F5: variants seen among roughly 807,000 people sequenced by gnomAD.
F5 encodes activated protein c cofactor.
In F5, 138 loss-of-function variants were observed where a neutral mutation model predicts 216.4. That is an observed-to-expected ratio of 0.64 (90% CI 0.56 to 0.73). The LOEUF (loss-of-function observed/expected upper bound fraction) is 0.73, where lower values mean the gene tolerates loss of function less well. F5 is among the 30% of genes least tolerant of loss of function. F5 has a pLI of 0.00. For missense variants in F5, 2,403 were observed against 2,674.0 expected, an observed-to-expected ratio of 0.90 and a Z score of 2.24; for synonymous variants, 916 against 930.7, an observed-to-expected ratio of 0.98 and a Z score of 0.29.
At position 169,529,788 on chromosome 1, in the gene F5, G is replaced by T. The variant is rs764200671; in HGVS notation, c.5239C>A (p.Pro1747Thr). The T allele has an allele frequency of 1.9e-6, 3 of 1,613,430 alleles. No individual in the cohort carries two copies. The highest frequency in any genetic ancestry group is 3.3e-5 in the Admixed American group (2 of 59,976). ...ATTCCTTTTTGGCAGATTAGGAGGG[G>T]ACCTATCAAGCCTGAGTGAATATCT... ...EKDIHSGLIG[P>T]LLICQKGILH... is the part of the protein sequence containing the mutation. The change falls in exon 16 of 25, where the codon CCC becomes ACC. Residue 1747 changes from proline (P) to threonine (T), a missense_variant. By Grantham distance (38) the Pro-to-Thr change is conservative (BLOSUM62 -1). Coordinates refer to ENST00000367797, the MANE Select transcript of F5 (RefSeq NM_000130.5).
intron 23 of F5, among the ~76,000 whole-genome samples, chr1:169,515,938 T>C (rs983886723): frequency 6.6e-6 from 1 of 152,160 alleles, no homozygotes; most frequent in Non-Finnish European, 1.5e-5. Flanking sequence ...TCAGTTGGTG[T>C]TCAATAAATA....
intron 23 of F5, among the ~76,000 whole-genome samples, chr1:169,517,708 T>A (rs9332664): frequency 0.016 from 2,504 of 152,218 alleles, 27 homozygotes; most frequent in Non-Finnish European, 0.026. Flanking sequence ...CTGGAAGGTG[T>A]TTGTTTAACT....
intron 3 of F5, among the ~76,000 whole-genome samples, chr1:169,565,124 T>C (rs1660570075): frequency 6.6e-6 from 1 of 152,106 alleles, no homozygotes; most frequent in East Asian, 1.9e-4. Context: ...TAGAGTGCTC[T>C]TCCTCCCGTC....
At chr1:169,544,539 G>C (rs1365085964) in intron 11 of F5, 31 bp from the exon 12 acceptor site, 1 of 1,581,758 alleles carries the variant, frequency 6.3e-7, no homozygotes, top group Non-Finnish European at 8.7e-7. Context: ...AAAATTCCAA[G>C]TCTATGCCAA....
rs1659308877 is a variant in F5, at chr1:169,521,614, GAT to G, written c.6049-952_6049-951del. 6.3e-5 allele frequency among the ~76,000 whole-genome samples: 6 copies of G among 95,434 alleles called. No homozygotes were observed. The East Asian group carries it at 1.0e-3, about 16-fold the overall frequency. The allele number at this position is 95,434 out of a possible 152,430, so 62.6% of individuals were successfully genotyped here. On this transcript the variant is annotated intron_variant, in intron 21 of 24. Coordinates refer to ENST00000367797, the MANE Select transcript of F5 (RefSeq NM_000130.5). ...TAAAACAAGGCTGGTTCTGTGAAAA[GAT>G]TTTTTTTTTTTTTTTTTTTTTTTGA...
At chr1:169,539,107 A>G (rs1316536158) in intron 13 of F5, among the ~76,000 whole-genome samples, 1 of 152,212 alleles carries the variant, frequency 6.6e-6, no homozygotes, top group Non-Finnish European at 1.5e-5. Flanking sequence ...TCAGTCTAGG[A>G]CTGAAGCATG....
Position 169,572,343 on chromosome 1 carries a change from C to A in F5, c.251G>T (p.Gly84Val). ...KKEKPQSTIS[G>V]LLGPTLYAEV... ...AGCATATAAAGTAGGCCCAAGAAGT[C>A]CTGTGAAAACAAATATTTAAACTAT... Residue 84 changes from glycine to valine, a missense_variant and splice_region_variant, in exon 3 of 25, where the codon GGA becomes GTA. Coordinates refer to ENST00000367797, the MANE Select transcript of F5 (RefSeq NM_000130.5). 1 of 1,612,970 alleles carries A rather than the reference C, an allele frequency of 6.2e-7. No homozygotes were observed. The highest frequency in any genetic ancestry group is 8.5e-7 in the Non-Finnish European group (1 of 1,179,554).
chr1:169,537,208 GT>G (rs537892643), intron 13 of F5, among the ~76,000 whole-genome samples: 57 of 152,204 alleles, frequency 3.7e-4, no homozygotes, highest in Non-Finnish European at 7.6e-4. Context: ...ATAATCGTAT[GT>G]TAACACACCA....
intron 11 of F5, among the ~76,000 whole-genome samples, chr1:169,546,158 C>T (rs1659996266): frequency 6.7e-6 from 1 of 148,722 alleles, no homozygotes; most frequent in African/African-American, 2.5e-5. Context: ...CCCTTTTCCT[C>T]ACCACGCAGA....
chr1:169,521,608 T>C (rs1659308295), intron 21 of F5, among the ~76,000 whole-genome samples: 1 of 135,558 alleles, frequency 7.4e-6, no homozygotes, highest in African/African-American at 2.7e-5. Flanking sequence ...GCTGGTTCTG[T>C]GAAAAGATTT....
In F5 at chr1:169,557,437, A is replaced by G. The variant is rs562792156; in HGVS notation, c.731-570T>C. On this transcript the variant is annotated intron_variant, in intron 5 of 24. Transcript: ENST00000367797. ...GGATTTTCAATTGTTATTTTTACTT[A>G]CTTTTTGATTGTTTTAATGACAAGT... 2.6e-5 allele frequency among the ~76,000 whole-genome samples: 4 copies of G among 152,182 alleles called. No homozygotes were observed. The South Asian group carries it at 8.3e-4, about 32-fold the overall frequency.
intron 13 of F5, among the ~76,000 whole-genome samples, chr1:169,538,394 G>T (rs57017379): frequency 0.01 from 1,527 of 152,238 alleles, 29 homozygotes; most frequent in African/African-American, 0.034. Flanking sequence ...AAATTTAGAA[G>T]ATCTGTTGTA....
chr1:169,560,723 G>A lies in F5; in HGVS notation c.417C>T (p.Asp139=), dbSNP rs749722664. 30 of 1,612,656 alleles carry A rather than the reference G, an allele frequency of 1.9e-5. No homozygotes were observed. Among genetic ancestry groups the A allele is most frequent in the East Asian group, 2.2e-5 (1 of 44,798 alleles). ...LDHTFPAEKM[D]DAVAPGREYT... ...ATTCTCGGCCTGGAGCCACAGCGTC[G>A]TCCATCTTCTCCGCAGGGAATGTGT... The change falls in exon 4 of 25, where the codon GAC becomes GAT. Residue 139 remains aspartate, a synonymous_variant. Coordinates refer to ENST00000367797, the MANE Select transcript of F5 (RefSeq NM_000130.5).
rs114166352 is a variant in F5 at position 169,520,825 on chromosome 1, G to A, written c.6049-161C>T. On this transcript the variant is annotated intron_variant, in intron 21 of 24. Coordinates refer to ENST00000367797, the MANE Select transcript of F5 (RefSeq NM_000130.5). Reference sequence around the variant, plus strand: ...TACTTGGGGATAATTCCAGTTCCAGGAAGATTGTATATATGTACTTTGCCC... The same window carrying A: ...TACTTGGGGATAATTCCAGTTCCAGAAAGATTGTATATATGTACTTTGCCC... Among the ~76,000 whole-genome samples, 473 of 152,184 alleles carry A rather than the reference G, an allele frequency of 3.1e-3. 1 individual carries two copies. The highest frequency in any genetic ancestry group is 5.7e-3 in the Non-Finnish European group (389 of 68,010).
rs1387629787 is a variant in F5, at chr1:169,542,231, T to C, written c.2859A>G (p.Lys953=). 3.1e-6 allele frequency: 5 copies of C among 1,613,974 alleles called. No individual in the cohort carries two copies. The Admixed American group carries it at 6.7e-5, about 22-fold the overall frequency. The change falls in exon 13 of 25, where the codon AAA becomes AAG. Residue 953 remains lysine (K), a synonymous_variant. Transcript: ENST00000367797. Reference sequence around the variant, plus strand: ...TATCTTGGATTATTTCATAGCTACCTTTCTCAGAAGCCAAATGCCATCTCC... The same window carrying C: ...TATCTTGGATTATTTCATAGCTACCCTTCTCAGAAGCCAAATGCCATCTCC... The part of the protein sequence containing the change: ...LVGRWHLASE[K]GSYEIIQDTD...
At chr1:169,575,079 A>G (rs1198950958) in intron 2 of F5, among the ~76,000 whole-genome samples, 1 of 152,214 alleles carries the variant, frequency 6.6e-6, no homozygotes, top group Admixed American at 6.5e-5. Context: ...TTATGACAGA[A>G]AAGGAGGGAA....
intron 3 of F5, among the ~76,000 whole-genome samples, chr1:169,565,235 A>G (rs1660571352): frequency 6.6e-6 from 1 of 151,888 alleles, no homozygotes; most frequent in Non-Finnish European, 1.5e-5. Flanking sequence ...TTTCTTTTAC[A>G]GCACCCATCA....
chr1:169,574,241 A>G (rs1660791859), intron 2 of F5, among the ~76,000 whole-genome samples: 1 of 151,166 alleles, frequency 6.6e-6, no homozygotes, highest in African/African-American at 2.4e-5. Context: ...AGAATTTCCA[A>G]AGTGTAGTCC....
chr1:169,542,158 C>T lies in F5; in HGVS notation c.2932G>A (p.Ala978Thr), dbSNP rs749286073. ...GTGCTTTCTCCCCAAGCACGTGAGG[C>T]ATTCTGGGGGCTGATCAGCCAATTG... is the stretch of plus-strand genomic sequence containing the variant. ...VNNWLISPQN[A>T]SRAWGESTPL... The change falls in exon 13 of 25, where the codon GCC (alanine) becomes ACC (threonine). Residue 978 changes from alanine to threonine, a missense_variant. By Grantham distance (58) the Ala-to-Thr change is moderately conservative. Around this residue, in one of 4 missense-constraint regions of F5, gnomAD observed 1,425 missense variants for 1,554.8 expected, o/e 0.92. Transcript: ENST00000367797. The T allele has an allele frequency of 1.2e-6, 2 of 1,614,076 alleles. No individual in the cohort carries two copies. The highest frequency in any genetic ancestry group is 1.1e-5 in the South Asian group (1 of 91,080).
Sources: gnomAD v4.1 joint callset for allele counts (sites outside exome capture counted in the v4.1 genomes callset) on GRCh38, gnomAD v4.1.1 for gene constraint, gnomAD v4.1.1 regional missense constraint, MANE v1.5 for transcripts, NCBI Gene and HGNC (gene_info 2026-07-23, HGNC 2026-07-21) for gene names.